RFX8: variants seen among roughly 807,000 people sequenced by gnomAD.
RFX8 encodes the protein DNA-binding protein RFX8.
RFX8 carries 46 observed loss-of-function variants against 54.6 expected under a neutral mutation model. The observed-to-expected ratio is 0.84, with a 90% CI of 0.67 to 1.08. The LOEUF is 1.08. Ranked by LOEUF, RFX8 falls within the 50% of genes least tolerant of loss-of-function variation. RFX8 has a pLI of 0.00. For synonymous variants in RFX8, 192 were observed against 209.5 expected (o/e 0.92, Z 0.72); for missense variants, 536 against 562.3 (o/e 0.95, Z 0.47).
chr2:101,402,994 T>A (rs1462643528), intron 10 of RFX8, among the ~76,000 whole-genome samples: 2 of 152,188 alleles, frequency 1.3e-5, no homozygotes, highest in Admixed American at 1.3e-4. Flanking sequence ...AAAAGGAACT[T>A]AAAATCCATC....
At chr2:101,422,884 A>G (rs1481237200) in intron 2 of RFX8, among the ~76,000 whole-genome samples, 2 of 152,160 alleles carry the variant, frequency 1.3e-5, no homozygotes, top group Non-Finnish European at 2.9e-5. Context: ...TGCCTATATC[A>G]TAACAACCGT....
At chr2:101,469,581 C>A (rs1022699086) in intron 1 of RFX8, among the ~76,000 whole-genome samples, 1 of 152,146 alleles carries the variant, frequency 6.6e-6, no homozygotes, top group Non-Finnish European at 1.5e-5. Flanking sequence ...TTCAAACTCA[C>A]TTCTGTTTAT....
chr2:101,413,864 T>G (rs2871419), intron 7 of RFX8, among the ~76,000 whole-genome samples: 148,616 of 152,164 alleles, frequency 0.98, 72,728 homozygotes, highest in Non-Finnish European at 1. Flanking sequence ...TGAGCTCAGA[T>G]TCTGGGGAGG....
chr2:101,453,366 G>A (rs1351838572), intron 2 of RFX8, among the ~76,000 whole-genome samples: 2 of 152,014 alleles, frequency 1.3e-5, no homozygotes. Flanking sequence ...GGCCAGGCAT[G>A]GTGACTCATG....
intron 5 of RFX8, among the ~76,000 whole-genome samples, chr2:101,418,508 A>G (rs1052514290): frequency 2.0e-5 from 3 of 152,234 alleles, no homozygotes; most frequent in Admixed American, 2.0e-4. Context: ...AAAACAAAAC[A>G]AAACAAAAGC....
At chr2:101,423,276 A>AAG (rs1558856619) in intron 2 of RFX8, among the ~76,000 whole-genome samples, 1 of 150,508 alleles carries the variant, frequency 6.6e-6, no homozygotes, top group East Asian at 1.9e-4. Context: ...AAAAAAAAAA[A>AAG]GAAGCAATTA....
At chr2:101,416,873 CAG>C (rs970518769) in intron 6 of RFX8, among the ~76,000 whole-genome samples, 6 of 152,200 alleles carry the variant, frequency 3.9e-5, no homozygotes. Flanking sequence ...AAGCAGCATT[CAG>C]AGACTGCTGC....
At chr2:101,443,689 C>G (rs1057151606) in intron 2 of RFX8, among the ~76,000 whole-genome samples, 1 of 152,110 alleles carries the variant, frequency 6.6e-6, no homozygotes, top group African/African-American at 2.4e-5. Flanking sequence ...TTGTCTTCCA[C>G]ACACCCCTGG....
chr2:101,410,417 A>ACACACACACT (rs1553451405), intron 9 of RFX8, among the ~76,000 whole-genome samples: 39 of 147,918 alleles, frequency 2.6e-4, no homozygotes, highest in Admixed American at 1.7e-3. Context: ...ACACACACAC[A>ACACACACACT]CTTATGTGAT....
intron 5 of RFX8, among the ~76,000 whole-genome samples, chr2:101,418,175 C>A (rs1401844017): frequency 1.3e-5 from 2 of 152,184 alleles, no homozygotes; most frequent in East Asian, 3.9e-4. Flanking sequence ...CAAGCATGAG[C>A]CACTGCTCCC....
At position 101,452,463 on chromosome 2, in the gene RFX8, G is replaced by A. The variant is rs545529235; in HGVS notation, c.72+14314C>T. 24 of 1,287,868 alleles carry A rather than the reference G, an allele frequency of 1.9e-5. No individual in the cohort carries two copies. In the South Asian group the frequency reaches 5.3e-4, roughly 28 times the overall value. The allele number at this position is 1,287,868 out of a possible 1,614,324, so 79.8% of individuals were successfully genotyped here. ...TCTCACAAGCTAAAAGAATAAGCCA[G>A]ATTTAAAGTTGCAACTTGAAAACTT... is the stretch of plus-strand genomic sequence containing the variant. On this transcript the variant is annotated intron_variant, in intron 2 of 11. Transcript: ENST00000428343.
chr2:101,436,847 G>A (rs1298785737), intron 2 of RFX8, among the ~76,000 whole-genome samples: 1 of 152,188 alleles, frequency 6.6e-6, no homozygotes, highest in South Asian at 2.1e-4. Flanking sequence ...CTCTGGTTCT[G>A]TTAAAGGCAA....
chr2:101,465,984 A>T (rs2148993780), intron 2 of RFX8, among the ~76,000 whole-genome samples: 1 of 152,362 alleles, frequency 6.6e-6, no homozygotes, highest in Admixed American at 6.5e-5. Flanking sequence ...TCCATATTAG[A>T]AGATTCTGTG....
intron 2 of RFX8, among the ~76,000 whole-genome samples, chr2:101,446,553 C>T (rs1249704574): frequency 6.6e-6 from 1 of 152,190 alleles, no homozygotes; most frequent in Non-Finnish European, 1.5e-5. Context: ...CATGACCAGC[C>T]GATGTCACTC....
intron 9 of RFX8, among the ~76,000 whole-genome samples, chr2:101,407,652 G>A (rs111897190): frequency 0.017 from 2,610 of 151,812 alleles, 82 homozygotes; most frequent in African/African-American, 0.059. Flanking sequence ...AGATTGCGCC[G>A]CTGCACTCCA....
intron 7 of RFX8, among the ~76,000 whole-genome samples, chr2:101,413,343 G>A (rs545608115): frequency 9.2e-5 from 14 of 152,252 alleles, no homozygotes; most frequent in Admixed American, 7.8e-4. Context: ...CACCACAATC[G>A]CCCCACGCCC....
rs1689598890 is a variant in RFX8 at position 101,466,824 on chromosome 2, A to G, written c.25T>C (p.Cys9Arg). The G allele has an allele frequency of 6.4e-7, 1 of 1,551,572 alleles. No homozygotes were observed. Among genetic ancestry groups the G allele is most frequent in the Non-Finnish European group, 8.7e-7 (1 of 1,146,944 alleles). Residue 9 changes from cysteine to arginine, a missense_variant, in exon 2 of 12, where the codon TGT becomes CGT. Cys to Arg is a radical substitution (Grantham distance 180). Coordinates refer to ENST00000428343, the MANE Select transcript of RFX8 (RefSeq NM_001145664.2). ...ACTTGGTTCTCAGTGTTTTGCCCAC[A>G]GGTCTCCACGTAAATCTCATACATG... MYEIYVET[C>R]GQNTENQVNP...
intron 11 of RFX8, among the ~76,000 whole-genome samples, chr2:101,399,927 GAGA>G (rs1275911154): frequency 1.3e-5 from 2 of 152,218 alleles, no homozygotes; most frequent in African/African-American, 2.4e-5. Flanking sequence ...AGAGAATGCT[GAGA>G]AGGACAGTCT....
chr2:101,421,830 C>A, intron 3 of RFX8, 53 bp from the exon 4 acceptor site: 8 of 1,330,698 alleles, frequency 6.0e-6, no homozygotes, highest in Non-Finnish European at 7.3e-6. Flanking sequence ...CAATAATGAA[C>A]TGATCTTCAC....
Sources: allele counts gnomAD v4.1 joint callset (sites outside exome capture counted in the v4.1 genomes callset), GRCh38; gene constraint gnomAD v4.1.1; transcripts MANE v1.5; gene names NCBI Gene and HGNC (gene_info 2026-07-23, HGNC 2026-07-21).